Variants in ADAMTS3 observed in about 807,000 individuals in gnomAD.
ADAMTS3 encodes A disintegrin and metalloproteinase with thrombospondin motifs 3.
In ADAMTS3, 73 loss-of-function variants were observed where a neutral mutation model predicts 129.0. The ratio of observed to expected loss-of-function variants is 0.57; its 90% confidence interval spans 0.47 to 0.69. The LOEUF (loss-of-function observed/expected upper bound fraction) is 0.69, where lower values mean the gene tolerates loss of function less well. Among genes scored for constraint, ADAMTS3 ranks in the 30% least tolerant of loss-of-function variants. The pLI, the probability that ADAMTS3 is intolerant of heterozygous loss-of-function variation, is 0.00. For missense variants in ADAMTS3, 1,457 were observed against 1,514.5 expected (o/e 0.96, Z 0.63); for synonymous variants, 477 against 510.8 (o/e 0.93, Z 0.89).
intron 5 of ADAMTS3, chr4:72,323,332 A>T: frequency 2.0e-6 from 1 of 494,142 alleles, no homozygotes; most frequent in Non-Finnish European, 3.7e-6. Flanking sequence ...GGACATGCTC[A>T]AAAGGGCTTT....
chr4:72,350,399 G>T (rs75083111), intron 4 of ADAMTS3, among the ~76,000 whole-genome samples: 4,268 of 152,058 alleles, frequency 0.028, 83 homozygotes, highest in Non-Finnish European at 0.043. Context: ...AACATATTTT[G>T]TCAGTTCTGT....
At chr4:72,455,161 A>C (rs538694038) in intron 3 of ADAMTS3, among the ~76,000 whole-genome samples, 103 of 151,886 alleles carry the variant, frequency 6.8e-4, no homozygotes, top group African/African-American at 2.4e-3. Flanking sequence ...TCTCTCTACA[A>C]AAATGATATT....
chr4:72,567,445 T>C lies in ADAMTS3; in HGVS notation c.70-44A>G, dbSNP rs927345013. 5.0e-6 allele frequency: 8 copies of C among 1,585,664 alleles called. No homozygotes were observed. In the African/African-American group the frequency reaches 1.1e-4, roughly 21 times the overall value. On this transcript the variant is annotated intron_variant, in intron 1 of 21. Transcript: ENST00000286657. ...GCAAGAAAAAGAAAGTTACTGGGTT[T>C]CATCTTATCACCTTGTGAGTTTTAT...
intron 5 of ADAMTS3, among the ~76,000 whole-genome samples, chr4:72,333,335 A>G (rs1719898730): frequency 6.6e-6 from 1 of 152,140 alleles, no homozygotes; most frequent in African/African-American, 2.4e-5. Flanking sequence ...CATAAATGGT[A>G]CCATTAACAA....
At chr4:72,286,340 T>A (rs1204495126) in intron 21 of ADAMTS3, among the ~76,000 whole-genome samples, 1 of 152,162 alleles carries the variant, frequency 6.6e-6, no homozygotes, top group African/African-American at 2.4e-5. Context: ...TTCTTTTGGT[T>A]TTGATTTGTA....
chr4:72,540,830 T>A (rs996606155), intron 3 of ADAMTS3, among the ~76,000 whole-genome samples: 6 of 152,156 alleles, frequency 3.9e-5, no homozygotes, highest in African/African-American at 1.4e-4. Context: ...AACCTCCAAA[T>A]AGATTTCAGA....
chr4:72,477,824 A>G (rs1719285802), intron 3 of ADAMTS3, among the ~76,000 whole-genome samples: 1 of 152,160 alleles, frequency 6.6e-6, no homozygotes, highest in African/African-American at 2.4e-5. Context: ...AAGTGAGAAG[A>G]ATCAAATAGA....
At chr4:72,485,227 A>T (rs1222342297) in intron 3 of ADAMTS3, among the ~76,000 whole-genome samples, 1 of 152,158 alleles carries the variant, frequency 6.6e-6, no homozygotes, top group Non-Finnish European at 1.5e-5. Context: ...ACATATTCCA[A>T]TATACTGTTT....
chr4:72,505,386 A>G (rs1353952203), intron 3 of ADAMTS3, among the ~76,000 whole-genome samples: 3 of 152,162 alleles, frequency 2.0e-5, no homozygotes, highest in African/African-American at 7.2e-5. Flanking sequence ...TTACTGGGGT[A>G]TGCAATTTGA....
chr4:72,526,999 C>T (rs1230468338), intron 3 of ADAMTS3, among the ~76,000 whole-genome samples: 1 of 151,884 alleles, frequency 6.6e-6, no homozygotes, highest in East Asian at 1.9e-4. Flanking sequence ...AAGATGATTC[C>T]TATAAAGGAC....
chr4:72,472,069 A>T (rs1280647734), intron 3 of ADAMTS3, among the ~76,000 whole-genome samples: 1 of 152,108 alleles, frequency 6.6e-6, no homozygotes, highest in Non-Finnish European at 1.5e-5. Flanking sequence ...TACAAGGAAG[A>T]TCTAGAAATA....
intron 11 of ADAMTS3, 92 bp from the exon 12 acceptor site, chr4:72,313,914 T>C (rs1174163453): frequency 4.2e-6 from 6 of 1,424,218 alleles, no homozygotes; most frequent in Non-Finnish European, 5.8e-6. Flanking sequence ...AGGGCTTTCT[T>C]ACTGCTCTTT....
intron 4 of ADAMTS3, among the ~76,000 whole-genome samples, chr4:72,411,930 A>G (rs1238174298): frequency 1.3e-5 from 2 of 152,078 alleles, no homozygotes; most frequent in Non-Finnish European, 2.9e-5. Flanking sequence ...TCTCTCCATC[A>G]TCTAGTTCAG....
intron 4 of ADAMTS3, among the ~76,000 whole-genome samples, chr4:72,370,375 TA>T (rs1187077086): frequency 1.4e-5 from 2 of 147,564 alleles, no homozygotes; most frequent in Admixed American, 6.9e-5. Context: ...ATCATTTGCT[TA>T]TTATATCAAT....
rs60439058 is a variant in ADAMTS3, at chr4:72,299,053, CTGTGTGTGTGTGTGTG to C, written c.2425-627_2425-612del. Among the ~76,000 whole-genome samples, 94 of 138,146 alleles carry C rather than the reference CTGTGTGTGTGTGTGTG, an allele frequency of 6.8e-4. 1 individual carries two copies. Among genetic ancestry groups the C allele is most frequent in the East Asian group, 3.9e-3 (18 of 4,648 alleles). 90.6% of individuals were successfully genotyped at this position (138,146 alleles called of 152,430 possible). A position where few individuals can be genotyped will look rare whatever the true frequency, so the allele number is the denominator to read the frequency against. On this transcript the variant is annotated intron_variant, in intron 17 of 21. Transcript: ENST00000286657. ...GATAGTCCCTCAAGATATTTGCATTCTGTGTGTGTGTGTGTGTGTGTGTGTGTGTGTGTGTGTGTGT... is the reference window on the plus strand; with the variant it reads ...GATAGTCCCTCAAGATATTTGCATTCTGTGTGTGTGTGTGTGTGTGTGTGT...
At chr4:72,531,315 G>A (rs1054829468) in intron 3 of ADAMTS3, among the ~76,000 whole-genome samples, 1 of 152,114 alleles carries the variant, frequency 6.6e-6, no homozygotes, top group Admixed American at 6.5e-5. Context: ...TTGGAGGAAA[G>A]CATTCAGGTG....
At chr4:72,550,245 T>A (rs1237979362) in intron 2 of ADAMTS3, among the ~76,000 whole-genome samples, 1 of 151,978 alleles carries the variant, frequency 6.6e-6, no homozygotes, top group Non-Finnish European at 1.5e-5. Flanking sequence ...ACTGCTCACC[T>A]ATGGAGATCA....
At chr4:72,427,717 T>A (rs1330057014) in intron 3 of ADAMTS3, among the ~76,000 whole-genome samples, 1 of 151,908 alleles carries the variant, frequency 6.6e-6, no homozygotes. Flanking sequence ...GTTGGCAAAA[T>A]GGAAGAGAGA....
In ADAMTS3 at chr4:72,530,063, T is replaced by A. The variant is rs1371610159; in HGVS notation, c.504+18415A>T. On this transcript the variant is annotated intron_variant, in intron 3 of 21. Coordinates refer to ENST00000286657, the MANE Select transcript of ADAMTS3 (RefSeq NM_014243.3). ...TATATTATATTTATATATAATATGT[T>A]ATATATAACATATTATATTTATATA... is the stretch of plus-strand genomic sequence containing the variant. Among the ~76,000 whole-genome samples, 13 of 1,628 alleles carry A rather than the reference T, an allele frequency of 8.0e-3. 4 individuals are homozygous for A. The highest frequency in any genetic ancestry group is 0.061 in the African/African-American group (13 of 212). The allele number at this position is 1,628 out of a possible 152,430, so 1.1% of individuals were successfully genotyped here.
Sources: gnomAD v4.1 joint callset for allele counts (sites outside exome capture counted in the v4.1 genomes callset) on GRCh38, gnomAD v4.1.1 for gene constraint, MANE v1.5 for transcripts, NCBI Gene and HGNC (gene_info 2026-07-23, HGNC 2026-07-21) for gene names.